The following HTR3B variants were observed in gnomAD, a reference collection of about 807,000 sequenced individuals.
HTR3B encodes the protein 5-hydroxytryptamine (serotonin) receptor 3B, ionotropic.
HTR3B carries 44 observed loss-of-function variants against 42.8 expected under a neutral mutation model. That is an observed-to-expected ratio of 1.03 (90% CI 0.81 to 1.32). The LOEUF (loss-of-function observed/expected upper bound fraction) is 1.32. Among genes scored for constraint, HTR3B ranks in the 40% most tolerant of loss-of-function variants. The pLI is 0.00. For synonymous variants in HTR3B, 203 were observed against 209.0 expected (o/e 0.97, Z 0.25); for missense variants, 527 against 536.5 (o/e 0.98, Z 0.17).
chr11:113,899,203 T>C, the HTR3B span, among the ~76,000 whole-genome samples: 1 of 152,188 alleles, frequency 6.6e-6, no homozygotes, highest in Admixed American at 6.5e-5. Flanking sequence ...CCTTGTTTAT[T>C]TGTTTACTTT....
At chr11:113,916,155 C>T (rs1331697416) in intron 2 of HTR3B, among the ~76,000 whole-genome samples, 1 of 152,200 alleles carries the variant, frequency 6.6e-6, no homozygotes, top group Non-Finnish European at 1.5e-5. Context: ...AAAATTTTAA[C>T]CATTGTAGTA....
intron 2 of HTR3B, among the ~76,000 whole-genome samples, chr11:113,919,257 G>A (rs1025494034): frequency 2.6e-5 from 4 of 151,916 alleles, no homozygotes; most frequent in Non-Finnish European, 5.9e-5. Context: ...TAAAATGTAC[G>A]AAACTTACAA....
At chr11:113,899,323 G>C in the HTR3B span, among the ~76,000 whole-genome samples, 1 of 152,204 alleles carries the variant, frequency 6.6e-6, no homozygotes, top group Non-Finnish European at 1.5e-5. Context: ...TGGTTAGCTT[G>C]ATATTGATTT....
the HTR3B span, among the ~76,000 whole-genome samples, chr11:113,898,984 A>G: frequency 6.6e-6 from 1 of 152,104 alleles, no homozygotes; most frequent in African/African-American, 2.4e-5. Context: ...TGCTGTTTAA[A>G]CCCTCTTTAA....
intron 5 of HTR3B, 54 bp from the exon 6 acceptor site, chr11:113,932,882 G>A (rs1254527191): frequency 1.3e-6 from 2 of 1,569,916 alleles, no homozygotes; most frequent in East Asian, 2.3e-5. Context: ...AAAAGTGGGT[G>A]GATGTTGGCA....
intron 4 of HTR3B, 80 bp from the exon 5 acceptor site, chr11:113,932,209 C>T: frequency 8.4e-7 from 1 of 1,189,792 alleles, no homozygotes; most frequent in Non-Finnish European, 1.2e-6. Flanking sequence ...CTCATGGTCA[C>T]TACCATCTCC....
At chr11:113,931,561 T>C (rs1278469840) in intron 3 of HTR3B, 133 bp downstream of exon 3, 1 of 699,466 alleles carries the variant, frequency 1.4e-6, no homozygotes, top group African/African-American at 1.8e-5. Context: ...TAATGTATTA[T>C]AATTCATTTA....
intron 2 of HTR3B, among the ~76,000 whole-genome samples, chr11:113,921,595 G>A (rs1949914985): frequency 6.6e-6 from 1 of 150,654 alleles, no homozygotes; most frequent in Admixed American, 6.6e-5. Context: ...CTCCAACTTG[G>A]CGACAGAATG....
Position 113,948,433 on chromosome 11 carries a change from C to A in HTR3B, c.*2296C>A, listed in dbSNP as rs1261990705. 6.6e-6 allele frequency among the ~76,000 whole-genome samples: 1 copy of A among 152,226 alleles called. No individual in the cohort carries two copies. Among genetic ancestry groups the A allele is most frequent in the African/African-American group, 2.4e-5 (1 of 41,452 alleles). On this transcript the variant is annotated 3_prime_UTR_variant, in exon 9 of 9. Transcript: ENST00000260191. ...GATTACGGTCCTGGCTCTGCCATTACCTAGCCAGGGGACCTCTGTGAGCTT... is the reference window on the plus strand; with the variant it reads ...GATTACGGTCCTGGCTCTGCCATTAACTAGCCAGGGGACCTCTGTGAGCTT...
chr11:113,900,562 C>T (rs1228854443), upstream of HTR3B, among the ~76,000 whole-genome samples: 6 of 152,070 alleles, frequency 3.9e-5, no homozygotes, highest in African/African-American at 1.2e-4. Context: ...GACGCAATCT[C>T]GGCTCACTGC....
intron 2 of HTR3B, among the ~76,000 whole-genome samples, chr11:113,913,253 G>A (rs764989981): frequency 4.0e-5 from 6 of 150,158 alleles, no homozygotes; most frequent in Non-Finnish European, 7.4e-5. Context: ...GCACGATCTC[G>A]GCTCACTGCA....
At chr11:113,902,135 G>T (rs1038110077), upstream of HTR3B, among the ~76,000 whole-genome samples, 3 of 152,060 alleles carry the variant, frequency 2.0e-5, no homozygotes, top group African/African-American at 7.2e-5. Flanking sequence ...GTGTACCAAA[G>T]TTCCTCCACC....
chr11:113,914,704 C>T lies in HTR3B; in HGVS notation c.213+5249C>T, dbSNP rs76251109. Among the ~76,000 whole-genome samples the T allele has an allele frequency of 8.5e-3, 1,292 of 152,050 alleles. 19 individuals are homozygous for T. Among genetic ancestry groups the T allele is most frequent in the African/African-American group, 0.03 (1,257 of 41,500 alleles). On this transcript the variant is annotated intron_variant, in intron 2 of 8. Coordinates refer to ENST00000260191, the MANE Select transcript of HTR3B (RefSeq NM_006028.5). The stretch of plus-strand genomic sequence containing the variant: ...ATATATATTACACGTTTGTTGATGA[C>T]AGGCATTAGACTCTAGTCTTCTCAT...
rs905798889 is a variant in HTR3B at position 113,948,191 on chromosome 11, C to T, written c.*2054C>T. ...CTTCCTCACTTCCTACTTTCTACTG[C>T]TGGCCTCCTCTGCTTTGACGTGCTC... On this transcript the variant is annotated 3_prime_UTR_variant, in exon 9 of 9. Transcript: ENST00000260191. Among the ~76,000 whole-genome samples the T allele has an allele frequency of 6.6e-6, 1 of 152,192 alleles. No homozygotes were observed. The highest frequency in any genetic ancestry group is 1.5e-5 in the Non-Finnish European group (1 of 68,030).
chr11:113,901,833 G>A (rs1949699396), upstream of HTR3B, among the ~76,000 whole-genome samples: 1 of 152,200 alleles, frequency 6.6e-6, no homozygotes, highest in African/African-American at 2.4e-5. Context: ...TTACTACAAT[G>A]CATGGCAAGA....
chr11:113,909,443 TATATTGGATGTGGTA>T lies in HTR3B; in HGVS notation c.203_213+4del, dbSNP rs1489941891. 1 of 1,613,958 alleles carries T rather than the reference TATATTGGATGTGGTA, an allele frequency of 6.2e-7. No homozygotes were observed. Among genetic ancestry groups the T allele is most frequent in the African/African-American group, 1.3e-5 (1 of 74,944 alleles). On this transcript the variant is annotated splice_donor_variant and splice_donor_region_variant and coding_sequence_variant and intron_variant, in exon 2 of 9. Coordinates refer to ENST00000260191, the MANE Select transcript of HTR3B (RefSeq NM_006028.5). LOFTEE classifies it high-confidence loss of function. ...TCTACCTGGACCTGTTCGTCCATGC[TATATTGGATGTGGTA>T]AGGACCATCTTGCCCCTTCCTATTC...
rs566380912 is a variant in HTR3B at position 113,932,465 on chromosome 11, C to T, written c.538+7C>T. 2.5e-6 allele frequency: 4 copies of T among 1,608,142 alleles called. No individual in the cohort carries two copies. The African/African-American group carries it at 4.0e-5, about 16-fold the overall frequency. On this transcript the variant is annotated splice_region_variant and intron_variant, in intron 5 of 8. Coordinates refer to ENST00000260191, the MANE Select transcript of HTR3B (RefSeq NM_006028.5). ...AAGAGCATTCTGCATACAGGTAAAC[C>T]ATGAGAGATACCCATTAATGCTAGG...
chr11:113,907,927 G>A (rs981253634), intron 1 of HTR3B, among the ~76,000 whole-genome samples: 5 of 152,170 alleles, frequency 3.3e-5, no homozygotes, highest in Admixed American at 6.5e-5. Flanking sequence ...GTACACCAGC[G>A]AGAAATGTTC....
rs1407123946 is a variant in HTR3B at position 113,943,083 on chromosome 11, C to A, written c.798C>A (p.Asn266Lys). 1 of 1,614,154 alleles carries A rather than the reference C, an allele frequency of 6.2e-7. No individual in the cohort carries two copies. Among genetic ancestry groups the A allele is most frequent in the South Asian group, 1.1e-5 (1 of 91,086 alleles). ...TGGGGAGCTTCTACCTGCCACCCAA[C>A]TGCCGAGCCAGGATTGTGTTCAAGA... ...VDLGSFYLPP[N>K]CRARIVFKTS... The change falls in exon 7 of 9, where the codon AAC (asparagine) becomes AAA (lysine). Residue 266 changes from asparagine (N) to lysine (K), a missense_variant. Asn to Lys is a moderately conservative substitution (Grantham distance 94). Transcript: ENST00000260191.
Sources: allele counts gnomAD v4.1 joint callset (sites outside exome capture counted in the v4.1 genomes callset), GRCh38; gene constraint gnomAD v4.1.1; transcripts MANE v1.5; gene names NCBI Gene and HGNC (gene_info 2026-07-23, HGNC 2026-07-21).